GRM7: variants seen among roughly 807,000 people sequenced by gnomAD.
GRM7 encodes the protein metabotropic glutamate receptor 7.
A neutral mutation model predicts 84.5 loss-of-function variants in GRM7; 35 were observed. The observed-to-expected ratio is 0.41, with a 90% CI of 0.32 to 0.55. The LOEUF (loss-of-function observed/expected upper bound fraction) is 0.55, where lower values mean the gene tolerates loss of function less well. GRM7 is among the 20% of genes least tolerant of loss of function. The pLI, the probability that GRM7 is intolerant of heterozygous loss-of-function variation, is 0.19. For missense variants in GRM7, 1,003 were observed against 1,194.6 expected (o/e 0.84, Z 2.36); for synonymous variants, 487 against 455.1 (o/e 1.07, Z -0.89).
intron 1 of GRM7, among the ~76,000 whole-genome samples, chr3:6,885,611 T>G (rs972145728): frequency 3.3e-5 from 5 of 152,196 alleles, no homozygotes; most frequent in African/African-American, 1.2e-4. Flanking sequence ...AATATGGATT[T>G]ATTCCCATGT....
chr3:7,179,875 A>G (rs925936128), intron 2 of GRM7, among the ~76,000 whole-genome samples: 1 of 152,192 alleles, frequency 6.6e-6, no homozygotes, highest in East Asian at 1.9e-4. Context: ...GGCTTTTAAA[A>G]TTTTACACAA....
At chr3:7,006,405 C>A (rs1337614281) in intron 1 of GRM7, among the ~76,000 whole-genome samples, 2 of 152,258 alleles carry the variant, frequency 1.3e-5, no homozygotes, top group East Asian at 3.9e-4. Flanking sequence ...AATGGGAACG[C>A]CCACAGAGTA....
rs540622010 is a variant in GRM7 at position 7,381,276 on chromosome 3, C to A, written c.1034-33747C>A. 3.3e-5 allele frequency among the ~76,000 whole-genome samples: 5 copies of A among 152,114 alleles called. No individual in the cohort carries two copies. The East Asian group carries it at 9.7e-4, about 29-fold the overall frequency. ...AAGGCATGCAAATCTGGACAAAAAT[C>A]CAGGCTTTTCTACTCAAAAGCTACA... is the stretch of plus-strand genomic sequence containing the variant. On this transcript the variant is annotated intron_variant, in intron 4 of 9. Coordinates refer to ENST00000357716, the MANE Select transcript of GRM7 (RefSeq NM_000844.4).
chr3:7,519,184 C>T (rs2124988092), intron 7 of GRM7, among the ~76,000 whole-genome samples: 1 of 152,132 alleles, frequency 6.6e-6, no homozygotes, highest in Middle Eastern at 3.4e-3. Flanking sequence ...AACTTAACAG[C>T]TTTTACTTTC....
At chr3:7,001,152 C>T (rs1695000473) in intron 1 of GRM7, among the ~76,000 whole-genome samples, 1 of 152,082 alleles carries the variant, frequency 6.6e-6, no homozygotes, top group Non-Finnish European at 1.5e-5. Context: ...ATACAATAAG[C>T]CTGGACAACA....
At position 7,103,734 on chromosome 3, in the gene GRM7, CTCTT is replaced by C. The variant is rs536709965; in HGVS notation, c.520-42714_520-42711del. On this transcript the variant is annotated intron_variant, in intron 1 of 9. Coordinates refer to ENST00000357716, the MANE Select transcript of GRM7 (RefSeq NM_000844.4). ...GTCTTATTTTGTTTTCTCTCTTTTT[CTCTT>C]TCTCTCTCTCCCTTTCTTTCTTTCT... Among the ~76,000 whole-genome samples, 1,199 of 140,288 alleles carry C rather than the reference CTCTT, an allele frequency of 8.5e-3. 17 individuals carry two copies. Among genetic ancestry groups the C allele is most frequent in the African/African-American group, 0.033 (1,132 of 34,690 alleles). The allele number at this position is 140,288 out of a possible 152,430, so 92.0% of individuals were successfully genotyped here.
At chr3:7,253,362 C>T (rs1020818109) in intron 2 of GRM7, among the ~76,000 whole-genome samples, 1 of 152,140 alleles carries the variant, frequency 6.6e-6, no homozygotes, top group African/African-American at 2.4e-5. Context: ...CGCCTGTAAT[C>T]CCAGCAGTTT....
intron 1 of GRM7, among the ~76,000 whole-genome samples, chr3:6,943,155 G>A (rs1383003967): frequency 6.6e-6 from 1 of 151,834 alleles, no homozygotes; most frequent in Non-Finnish European, 1.5e-5. Flanking sequence ...TCAGCTGGCA[G>A]CATATCTTTT....
chr3:7,476,499 A>ATCACACTAC (rs1333151790), intron 7 of GRM7, among the ~76,000 whole-genome samples: 1 of 152,180 alleles, frequency 6.6e-6, no homozygotes, highest in Admixed American at 6.5e-5. Context: ...GTGAGCCAAG[A>ATCACACTAC]TCACACTACT....
At chr3:7,169,255 C>T (rs912423769) in intron 2 of GRM7, among the ~76,000 whole-genome samples, 4 of 152,016 alleles carry the variant, frequency 2.6e-5, no homozygotes, top group Non-Finnish European at 5.9e-5. Context: ...AAAAGTTTGC[C>T]CCTAATTTCA....
chr3:6,990,249 A>G (rs1056890956), intron 1 of GRM7, among the ~76,000 whole-genome samples: 1 of 152,184 alleles, frequency 6.6e-6, no homozygotes, highest in Non-Finnish European at 1.5e-5. Context: ...CCAGCCTTGT[A>G]TTTTAGTCTG....
intron 9 of GRM7, among the ~76,000 whole-genome samples, chr3:7,685,452 T>C (rs1256921320): frequency 6.6e-6 from 1 of 151,942 alleles, no homozygotes; most frequent in African/African-American, 2.4e-5. Flanking sequence ...CAACTAGAGA[T>C]GGCAGGCGGG....
intron 9 of GRM7, among the ~76,000 whole-genome samples, chr3:7,688,904 C>A (rs1700687235): frequency 6.6e-6 from 1 of 152,118 alleles, no homozygotes; most frequent in Non-Finnish European, 1.5e-5. Context: ...TGTAACATGC[C>A]ACTGTTTAAA....
At chr3:7,299,952 T>C (rs1312988445) in intron 3 of GRM7, among the ~76,000 whole-genome samples, 1 of 151,864 alleles carries the variant, frequency 6.6e-6, no homozygotes, top group Non-Finnish European at 1.5e-5. Context: ...TGTATAAATT[T>C]ATAATGTGAT....
chr3:7,029,336 A>G (rs1431969860), intron 1 of GRM7, among the ~76,000 whole-genome samples: 1 of 151,938 alleles, frequency 6.6e-6, no homozygotes, highest in East Asian at 1.9e-4. Context: ...AACAAACAAA[A>G]AAAACATGAA....
At chr3:7,197,659 G>A (rs963091003) in intron 2 of GRM7, among the ~76,000 whole-genome samples, 21 of 150,950 alleles carry the variant, frequency 1.4e-4, no homozygotes, top group Non-Finnish European at 4.4e-5. Flanking sequence ...TTTCTCCTAA[G>A]TGAGTTAACA....
intron 4 of GRM7, among the ~76,000 whole-genome samples, chr3:7,336,359 C>T (rs1383826144): frequency 6.6e-6 from 1 of 151,698 alleles, no homozygotes; most frequent in Non-Finnish European, 1.5e-5. Flanking sequence ...ATAACTAAAA[C>T]CCTCAGCAAA....
intron 2 of GRM7, among the ~76,000 whole-genome samples, chr3:7,240,120 GTTTTTTTTTT>G (rs397988598): frequency 1.9e-5 from 1 of 52,732 alleles, no homozygotes; most frequent in African/African-American, 7.0e-5. Flanking sequence ...AGCATGTGAG[GTTTTTTTTTT>G]TTTTTTTTTT....
intron 4 of GRM7, among the ~76,000 whole-genome samples, chr3:7,331,832 A>G (rs2125066797): frequency 6.6e-6 from 1 of 152,298 alleles, no homozygotes; most frequent in Middle Eastern, 3.4e-3. Context: ...TTAAAGAATT[A>G]GAGAAGAATC....
Sources: gnomAD v4.1 joint callset for allele counts (sites outside exome capture counted in the v4.1 genomes callset) on GRCh38, gnomAD v4.1.1 for gene constraint, MANE v1.5 for transcripts, NCBI Gene and HGNC (gene_info 2026-07-23, HGNC 2026-07-21) for gene names.